RPS6KA2: variants seen among roughly 807,000 people sequenced by gnomAD.
The protein encoded by RPS6KA2 is ribosomal protein S6 kinase A2, also known as ribosomal protein S6 kinase alpha-2.
RPS6KA2 carries 42 observed loss-of-function variants against 91.8 expected under a neutral mutation model. The ratio of observed to expected loss-of-function variants is 0.46; its 90% confidence interval spans 0.36 to 0.59. The LOEUF (loss-of-function observed/expected upper bound fraction) is 0.59, where lower values mean the gene tolerates loss of function less well. Ranked by LOEUF, RPS6KA2 falls within the 20% of genes least tolerant of loss-of-function variation. RPS6KA2 has a pLI of 0.00. For synonymous variants in RPS6KA2, 414 were observed against 393.6 expected (o/e 1.05, Z -0.61); for missense variants, 798 against 978.5 (o/e 0.82, Z 2.46).
At chr6:166,778,684 T>C (rs1295432223) in intron 2 of RPS6KA2, among the ~76,000 whole-genome samples, 2 of 152,190 alleles carry the variant, frequency 1.3e-5, no homozygotes, top group Non-Finnish European at 2.9e-5. Context: ...GAGAATCTCT[T>C]GAACCCAGGA....
At chr6:166,756,848 AAAAAT>A (rs1238076742) in intron 2 of RPS6KA2, among the ~76,000 whole-genome samples, 2 of 152,222 alleles carry the variant, frequency 1.3e-5, no homozygotes, top group African/African-American at 4.8e-5. Flanking sequence ...CTCCGTCTCA[AAAAAT>A]AAAATAAAAT....
intron 10 of RPS6KA2, among the ~76,000 whole-genome samples, chr6:166,485,830 C>T (rs1483986915): frequency 6.6e-6 from 1 of 152,216 alleles, no homozygotes; most frequent in Non-Finnish European, 1.5e-5. Context: ...CTGCCTTGCC[C>T]AGCCCAGGCT....
intron 2 of RPS6KA2, among the ~76,000 whole-genome samples, chr6:166,777,189 A>C (rs915835972): frequency 2.0e-5 from 3 of 152,230 alleles, no homozygotes; most frequent in Non-Finnish European, 4.4e-5. Flanking sequence ...AGCTGAGAAG[A>C]GGACGGGAGA....
chr6:166,625,760 G>T (rs573315232), intron 1 of RPS6KA2, among the ~76,000 whole-genome samples: 4 of 152,180 alleles, frequency 2.6e-5, no homozygotes, highest in Non-Finnish European at 4.4e-5. Flanking sequence ...TCCAGTACTG[G>T]ATTAACAGTT....
intron 2 of RPS6KA2, among the ~76,000 whole-genome samples, chr6:166,797,929 G>A (rs530102239): frequency 6.6e-6 from 1 of 152,116 alleles, no homozygotes; most frequent in African/African-American, 2.4e-5. Context: ...AAACCTTGAT[G>A]ACCAGAAGAC....
chr6:166,701,015 G>A lies in RPS6KA2; in HGVS notation c.123+157185C>T, dbSNP rs1189332884. 5 of 1,099,752 alleles carry A rather than the reference G, an allele frequency of 4.5e-6. No individual in the cohort carries two copies. The Admixed American group carries it at 7.0e-5, about 15-fold the overall frequency. 68.1% of individuals were successfully genotyped at this position (1,099,752 alleles called of 1,614,324 possible). ...AACTTGTGCATGTGATTCTGGATAG[G>A]GGGTCAGCGCCTGTCTGTTTGTTAA... On this transcript the variant is annotated intron_variant, in intron 2 of 21. Coordinates refer to the RPS6KA2 transcript ENST00000503859.
At chr6:166,830,849 T>C (rs1208911319) in intron 2 of RPS6KA2, among the ~76,000 whole-genome samples, 1 of 152,212 alleles carries the variant, frequency 6.6e-6, no homozygotes, top group African/African-American at 2.4e-5. Context: ...TGTTGATTTT[T>C]AAGGCCTTTT....
At chr6:166,537,037 C>A (rs1783501251) in intron 2 of RPS6KA2, among the ~76,000 whole-genome samples, 1 of 152,198 alleles carries the variant, frequency 6.6e-6, no homozygotes, top group African/African-American at 2.4e-5. Flanking sequence ...ATCTTTAATA[C>A]CCCAGTTCTG....
chr6:166,766,261 T>C (rs1778309145), intron 2 of RPS6KA2, among the ~76,000 whole-genome samples: 1 of 152,248 alleles, frequency 6.6e-6, no homozygotes, highest in Non-Finnish European at 1.5e-5. Flanking sequence ...TAAATCTGTA[T>C]CATATCATCA....
intron 17 of RPS6KA2, among the ~76,000 whole-genome samples, chr6:166,420,616 G>C (rs776715096): frequency 6.6e-6 from 1 of 152,100 alleles, no homozygotes; most frequent in Non-Finnish European, 1.5e-5. Flanking sequence ...TGCATGCCAC[G>C]TTTTGCTTAC....
intron 1 of RPS6KA2, among the ~76,000 whole-genome samples, chr6:166,593,241 AG>A (rs1785415164): frequency 2.6e-5 from 4 of 152,372 alleles, no homozygotes; most frequent in Admixed American, 2.6e-4. Context: ...GTAATACCAG[AG>A]CTAAAAGAGA....
chr6:166,539,327 G>T (rs1442359861), intron 1 of RPS6KA2, among the ~76,000 whole-genome samples: 1 of 152,198 alleles, frequency 6.6e-6, no homozygotes, highest in Non-Finnish European at 1.5e-5. Flanking sequence ...TCTTACCAAG[G>T]CCTCCGAAAA....
intron 2 of RPS6KA2, among the ~76,000 whole-genome samples, chr6:166,782,598 A>G (rs1233240971): frequency 3.9e-5 from 6 of 152,134 alleles, no homozygotes; most frequent in Non-Finnish European, 8.8e-5. Flanking sequence ...CGGATTGCTG[A>G]GTTGGGCCTC....
Position 166,410,283 on chromosome 6 carries a change from G to C in RPS6KA2, c.*2479C>G, listed in dbSNP as rs936385123. 2 of 152,248 alleles carry C rather than the reference G, an allele frequency of 1.3e-5. No individual in the cohort carries two copies. The highest frequency in any genetic ancestry group is 2.9e-5 in the Non-Finnish European group (2 of 68,042). 9.4% of individuals were successfully genotyped at this position (152,248 alleles called of 1,614,324 possible). A position where few individuals can be genotyped will look rare whatever the true frequency, so the allele number is the denominator to read the frequency against. On this transcript the variant is annotated 3_prime_UTR_variant, in exon 21 of 21. Transcript: ENST00000265678. ...CATACGGAGCATTTCATTCGTTGTG[G>C]AGGTGCGCTGAGCTGGCAAAATGCG...
chr6:166,762,845 G>A (rs1215987358), intron 2 of RPS6KA2, among the ~76,000 whole-genome samples: 1 of 152,226 alleles, frequency 6.6e-6, no homozygotes, highest in African/African-American at 2.4e-5. Flanking sequence ...CGAGGCTACT[G>A]CAGAGCACAG....
rs1349667196 is a variant in RPS6KA2 at position 166,448,376 on chromosome 6, G to A, written c.1332+348C>T. Among the ~76,000 whole-genome samples, 3 of 152,164 alleles carry A rather than the reference G, an allele frequency of 2.0e-5. No individual in the cohort carries two copies. Among genetic ancestry groups the A allele is most frequent in the African/African-American group, 7.2e-5 (3 of 41,434 alleles). ...AAGCTACGAAAGGTGCTCAGTCCCT[G>A]CGTGGTACATATGACTGAAAATATT... On this transcript the variant is annotated intron_variant, in intron 14 of 20. Transcript: ENST00000265678. This position sits in a 1 kb window ranked among gnomAD's most constrained non-coding sequence, Gnocchi z 4.7.
intron 2 of RPS6KA2, among the ~76,000 whole-genome samples, chr6:166,667,826 A>G (rs536272616): frequency 2.2e-4 from 34 of 152,154 alleles, no homozygotes; most frequent in Non-Finnish European, 4.4e-4. Context: ...AATAATGAGA[A>G]CCACAGCCCT....
chr6:166,568,704 A>G (rs977662164), intron 1 of RPS6KA2, among the ~76,000 whole-genome samples: 1 of 150,034 alleles, frequency 6.7e-6, no homozygotes, highest in African/African-American at 2.5e-5. Context: ...GCTGAAACAC[A>G]TAAGACTTCG....
chr6:166,626,310 T>A lies in RPS6KA2; in HGVS notation c.99+611A>T, dbSNP rs1424911439. Among the ~76,000 whole-genome samples the A allele has an allele frequency of 6.6e-6, 1 of 152,234 alleles. No individual in the cohort carries two copies. The highest frequency in any genetic ancestry group is 1.5e-5 in the Non-Finnish European group (1 of 68,034). Reference sequence around the variant, plus strand: ...GAGTACTCTGGGTTTTCAGGACGAATCTGTATCAGCCTCGGCGCTGCGAGG... The same window carrying A: ...GAGTACTCTGGGTTTTCAGGACGAAACTGTATCAGCCTCGGCGCTGCGAGG... On this transcript the variant is annotated intron_variant, in intron 1 of 20. Transcript: ENST00000265678. This position sits in a 1 kb window ranked among gnomAD's most constrained non-coding sequence, Gnocchi z 4.1.
Sources: allele counts gnomAD v4.1 joint callset (sites outside exome capture counted in the v4.1 genomes callset), GRCh38; gene constraint gnomAD v4.1.1; non-coding constraint Gnocchi (gnomAD v3.1); transcripts MANE v1.5; gene names NCBI Gene and HGNC (gene_info 2026-07-23, HGNC 2026-07-21).